Variants in OCIAD1 observed in about 807,000 individuals in gnomAD.
OCIAD1 encodes the protein OCIA domain containing 1, also known as OCIA domain-containing protein 1.
OCIAD1 carries 29 observed loss-of-function variants against 38.9 expected under a neutral mutation model. The observed-to-expected ratio is 0.74, with a 90% CI of 0.55 to 1.02. The LOEUF is 1.02. OCIAD1 is among the 50% of genes least tolerant of loss of function. OCIAD1 has a pLI of 0.00. For missense variants in OCIAD1, 288 were observed against 289.6 expected (o/e 0.99, Z 0.04); for synonymous variants, 110 against 92.0 (o/e 1.20, Z -1.12).
At chr4:48,835,381 A>G (rs1777886803) in intron 3 of OCIAD1, among the ~76,000 whole-genome samples, 1 of 152,230 alleles carries the variant, frequency 6.6e-6, no homozygotes, top group African/African-American at 2.4e-5. Flanking sequence ...TTGAGATTTT[A>G]AAACTCAAAA....
rs935701966 is a variant in OCIAD1 at position 48,860,835 on chromosome 4, T to G, written c.*73T>G. The G allele has an allele frequency of 1.2e-4, 131 of 1,063,472 alleles. No homozygotes were observed. Among genetic ancestry groups the G allele is most frequent in the Non-Finnish European group, 1.7e-4 (119 of 686,216 alleles). 65.9% of individuals were successfully genotyped at this position (1,063,472 alleles called of 1,614,324 possible). A position where few individuals can be genotyped will look rare whatever the true frequency, so the allele number is the denominator to read the frequency against. ...TAGGTGGTCATGATTACCTGCATGC[T>G]TTGAGCTCAGCAGCAGTCTTCATAA... On this transcript the variant is annotated 3_prime_UTR_variant, in exon 9 of 9. Coordinates refer to ENST00000264312, the MANE Select transcript of OCIAD1 (RefSeq NM_017830.4).
chr4:48,858,355 G>A (rs550815679), intron 8 of OCIAD1, among the ~76,000 whole-genome samples: 47 of 152,320 alleles, frequency 3.1e-4, no homozygotes, highest in South Asian at 1.2e-3. Flanking sequence ...TGAGGTTGGC[G>A]TTGCGCTGTA....
intron 1 of OCIAD1, among the ~76,000 whole-genome samples, chr4:48,806,241 T>G (rs1318847132): frequency 6.6e-6 from 1 of 152,192 alleles, no homozygotes; most frequent in African/African-American, 2.4e-5. Context: ...TGCTCCAGCC[T>G]GGGTGACAGT....
intron 4 of OCIAD1, among the ~76,000 whole-genome samples, chr4:48,847,581 G>A (rs1246559664): frequency 6.6e-6 from 1 of 152,054 alleles, no homozygotes; most frequent in Non-Finnish European, 1.5e-5. Context: ...ATTATTGTTC[G>A]ATGTAGGATC....
chr4:48,849,094 A>G (rs989133683), intron 5 of OCIAD1, among the ~76,000 whole-genome samples: 9 of 152,122 alleles, frequency 5.9e-5, no homozygotes, highest in African/African-American at 1.2e-4. Context: ...GAATCGAACA[A>G]TGAGAACACG....
chr4:48,820,045 T>C (rs2109494164), intron 1 of OCIAD1, among the ~76,000 whole-genome samples: 1 of 152,190 alleles, frequency 6.6e-6, no homozygotes, highest in South Asian at 2.1e-4. Context: ...TCTGGACCAA[T>C]GGGACCTAAT....
At chr4:48,839,674 TAAA>T (rs1778348071) in intron 3 of OCIAD1, among the ~76,000 whole-genome samples, 1 of 152,176 alleles carries the variant, frequency 6.6e-6, no homozygotes, top group South Asian at 2.1e-4. Flanking sequence ...ATTAATGAAA[TAAA>T]AATTTTTATT....
chr4:48,825,796 TC>T (rs1777244158), intron 1 of OCIAD1, among the ~76,000 whole-genome samples: 1 of 145,780 alleles, frequency 6.9e-6, no homozygotes, highest in South Asian at 2.4e-4. Context: ...TCTCTCTTTC[TC>T]TCTCTTCTTT....
upstream of OCIAD1, among the ~76,000 whole-genome samples, chr4:48,829,262 A>G (rs1416394991): frequency 1.3e-5 from 2 of 152,110 alleles, no homozygotes; most frequent in East Asian, 3.9e-4. Context: ...CCTGTCCTAA[A>G]AAAAAAAACA....
chr4:48,848,944 A>G (rs1579092040), intron 5 of OCIAD1, among the ~76,000 whole-genome samples: 1 of 152,130 alleles, frequency 6.6e-6, no homozygotes, highest in Non-Finnish European at 1.5e-5. Context: ...GCACATATAC[A>G]CCATGGAATA....
chr4:48,811,059 G>A (rs995502912), intron 1 of OCIAD1, among the ~76,000 whole-genome samples: 2 of 152,002 alleles, frequency 1.3e-5, no homozygotes, highest in African/African-American at 4.8e-5. Context: ...GTTTTGTCAT[G>A]TTGTCCAGGC....
Position 48,853,055 on chromosome 4 carries a change from A to G in OCIAD1, c.547+1080A>G, listed in dbSNP as rs996943809. On this transcript the variant is annotated intron_variant, in intron 7 of 8. Transcript: ENST00000264312. The stretch of plus-strand genomic sequence containing the variant: ...CCACCACGCTCGGCTAATTTTTTGT[A>G]TTTTTAGTAGAGATGGGGTTTCACT... 4.0e-5 allele frequency among the ~76,000 whole-genome samples: 6 copies of G among 151,156 alleles called. 1 individual carries two copies. In the East Asian group the frequency reaches 1.2e-3, roughly 29 times the overall value.
At chr4:48,858,170 A>G (rs1315100656) in intron 8 of OCIAD1, among the ~76,000 whole-genome samples, 2 of 152,082 alleles carry the variant, frequency 1.3e-5, no homozygotes, top group Non-Finnish European at 2.9e-5. Flanking sequence ...CCCCCGCCAA[A>G]AAAAGGAAGA....
chr4:48,829,526 G>T (rs1301581700), upstream of OCIAD1, among the ~76,000 whole-genome samples: 1 of 152,070 alleles, frequency 6.6e-6, no homozygotes, highest in African/African-American at 2.4e-5. Flanking sequence ...ACAAATCATT[G>T]TTTTAGACCA....
chr4:48,852,004 A>G, intron 7 of OCIAD1, 29 bp downstream of exon 7: 1 of 1,555,150 alleles, frequency 6.4e-7, no homozygotes, highest in Non-Finnish European at 8.8e-7. Flanking sequence ...ATGAATTTCA[A>G]CATTTTATGG....
At chr4:48,832,842 A>G in intron 2 of OCIAD1, 160 bp downstream of exon 2, 1 of 639,116 alleles carries the variant, frequency 1.6e-6, no homozygotes, top group Admixed American at 2.6e-5. Context: ...GAAATTCATA[A>G]TCATTTGGAT....
upstream of OCIAD1, among the ~76,000 whole-genome samples, chr4:48,828,332 GCTCTCTGTACAATGGACCAATCAA>G (rs1347607192): frequency 1.3e-5 from 2 of 152,156 alleles, no homozygotes; most frequent in Non-Finnish European, 2.9e-5. Flanking sequence ...TGACCAATCA[GCTCTCTGTACAATGGACCAATCAA>G]CTCTCTGTAC....
At chr4:48,806,659 G>A (rs184827739) in intron 1 of OCIAD1, among the ~76,000 whole-genome samples, 495 of 152,174 alleles carry the variant, frequency 3.3e-3, no homozygotes, top group Non-Finnish European at 5.3e-3. Context: ...AGGCTGGAGT[G>A]TAGTGGAGCA....
At chr4:48,824,020 C>G (rs1205093740) in intron 1 of OCIAD1, among the ~76,000 whole-genome samples, 2 of 151,876 alleles carry the variant, frequency 1.3e-5, no homozygotes, top group African/African-American at 2.4e-5. Flanking sequence ...ACTCTGTTGC[C>G]CAGGCTGGAG....
Sources: gnomAD v4.1 joint callset for allele counts (sites outside exome capture counted in the v4.1 genomes callset) on GRCh38, gnomAD v4.1.1 for gene constraint, MANE v1.5 for transcripts, NCBI Gene and HGNC (gene_info 2026-07-23, HGNC 2026-07-21) for gene names.